The following ZMYND8 variants were observed in gnomAD, a reference collection of about 807,000 sequenced individuals.
ZMYND8 encodes the protein MYND-type zinc finger-containing chromatin reader ZMYND8.
ZMYND8 carries 37 observed loss-of-function variants against 140.8 expected under a neutral mutation model. That is an observed-to-expected ratio of 0.26 (90% CI 0.20 to 0.35). The LOEUF is 0.35. ZMYND8 is among the 10% of genes least tolerant of loss of function. The pLI, the probability that ZMYND8 is intolerant of heterozygous loss-of-function variation, is 1.00. For synonymous variants in ZMYND8, 592 were observed against 597.1 expected (o/e 0.99, Z 0.12); for missense variants, 1,068 against 1,570.0 (o/e 0.68, Z 5.40).
chr20:47,259,804 C>CAA (rs1337049234), intron 12 of ZMYND8, among the ~76,000 whole-genome samples: 1 of 152,140 alleles, frequency 6.6e-6, no homozygotes, highest in Non-Finnish European at 1.5e-5. Context: ...ATGTTTAGCG[C>CAA]AACTCTGGCC....
intron 10 of ZMYND8, among the ~76,000 whole-genome samples, chr20:47,280,698 A>C (rs1461521941): frequency 6.6e-6 from 1 of 152,166 alleles, no homozygotes; most frequent in Non-Finnish European, 1.5e-5. Flanking sequence ...CAAATCATCA[A>C]GATGGTTCAC....
At chr20:47,297,117 T>TGTACAGAGGAGG (rs143771100) in intron 4 of ZMYND8, among the ~76,000 whole-genome samples, 2,516 of 152,288 alleles carry the variant, frequency 0.017, 41 homozygotes, top group East Asian at 0.057. Context: ...GGTCAGCCTC[T>TGTACAGAGGAGG]GCGTGCAGAG....
intron 12 of ZMYND8, among the ~76,000 whole-genome samples, chr20:47,255,229 T>C (rs1020069923): frequency 6.6e-6 from 1 of 151,996 alleles, no homozygotes; most frequent in African/African-American, 2.4e-5. Context: ...CTCTAGAAAC[T>C]AAAAACTTGC....
chr20:47,313,197 G>C (rs1569172354), intron 2 of ZMYND8, among the ~76,000 whole-genome samples: 1 of 149,996 alleles, frequency 6.7e-6, no homozygotes, highest in Non-Finnish European at 1.5e-5. Context: ...GTCGGAGCCT[G>C]GGTGAAAAGG....
chr20:47,269,992 C>T (rs1361550731), intron 11 of ZMYND8, among the ~76,000 whole-genome samples: 1 of 152,158 alleles, frequency 6.6e-6, no homozygotes, highest in Non-Finnish European at 1.5e-5. Flanking sequence ...GCCTATTATC[C>T]CAGCATTTTG....
At chr20:47,352,010 C>T (rs1240026304) in intron 1 of ZMYND8, 6 of 985,254 alleles carry the variant, frequency 6.1e-6, no homozygotes, top group Non-Finnish European at 6.0e-6. Context: ...CTTGTAGATC[C>T]TGAGCCTTCA....
At chr20:47,316,148 T>A (rs751130286) in intron 2 of ZMYND8, among the ~76,000 whole-genome samples, 12 of 151,942 alleles carry the variant, frequency 7.9e-5, no homozygotes, top group Non-Finnish European at 1.3e-4. Context: ...CTGACCAACA[T>A]GGTGAAACCC....
chr20:47,286,154 T>G, intron 8 of ZMYND8, among the ~76,000 whole-genome samples: 1 of 151,724 alleles, frequency 6.6e-6, no homozygotes, highest in East Asian at 1.9e-4. Flanking sequence ...TATCTATATA[T>G]AGATATAAAT....
chr20:47,345,568 C>T (rs971886546), intron 2 of ZMYND8, among the ~76,000 whole-genome samples: 2 of 149,318 alleles, frequency 1.3e-5, no homozygotes, highest in African/African-American at 2.5e-5. Context: ...AGTGCAAAGG[C>T]GTGGTCTTGG....
At chr20:47,291,962 G>T in intron 5 of ZMYND8, 74 bp from the exon 6 acceptor site, 1 of 1,334,728 alleles carries the variant, frequency 7.5e-7, no homozygotes, top group Non-Finnish European at 1.0e-6. Context: ...GCTAACAAAA[G>T]GCTTGAAAAA....
chr20:47,329,322 T>TA (rs1173665621), intron 2 of ZMYND8, among the ~76,000 whole-genome samples: 2 of 152,204 alleles, frequency 1.3e-5, no homozygotes, highest in African/African-American at 4.8e-5. Flanking sequence ...TGCTGTCTAA[T>TA]AACAGCAGCC....
intron 2 of ZMYND8, among the ~76,000 whole-genome samples, chr20:47,315,483 C>T (rs1178840172): frequency 1.3e-5 from 2 of 151,962 alleles, no homozygotes; most frequent in East Asian, 1.9e-4. Flanking sequence ...CTGCTGGATT[C>T]GGTATCCTTC....
At chr20:47,282,078 T>C in intron 10 of ZMYND8, 24 bp downstream of exon 10, 1 of 1,598,708 alleles carries the variant, frequency 6.3e-7, no homozygotes, top group Non-Finnish European at 8.6e-7. Context: ...AGCTACATGT[T>C]CCAAGCCTGT....
At chr20:47,288,454 G>A (rs571951882) in intron 7 of ZMYND8, among the ~76,000 whole-genome samples, 13 of 149,678 alleles carry the variant, frequency 8.7e-5, no homozygotes, top group South Asian at 2.1e-4. Context: ...GTGCAGGGGC[G>A]CAGATCTCAG....
At chr20:47,220,552 C>G (rs2036801857) in intron 20 of ZMYND8, among the ~76,000 whole-genome samples, 1 of 152,210 alleles carries the variant, frequency 6.6e-6, no homozygotes, top group Non-Finnish European at 1.5e-5. Context: ...AGAGTGGCCC[C>G]TCACTGTACC....
At chr20:47,214,048 C>T (rs2035694688) in intron 21 of ZMYND8, among the ~76,000 whole-genome samples, 1 of 131,200 alleles carries the variant, frequency 7.6e-6, no homozygotes, top group Non-Finnish European at 1.8e-5. Context: ...AACTAAAATT[C>T]TCTCTCTTCC....
At chr20:47,352,023 A>G in intron 1 of ZMYND8, 2 of 983,894 alleles carry the variant, frequency 2.0e-6, no homozygotes, top group Non-Finnish European at 1.2e-6. Flanking sequence ...AGCCTTCAAC[A>G]TGAGGCTCTG....
intron 1 of ZMYND8, chr20:47,353,736 T>A (rs1223415421): frequency 6.6e-6 from 1 of 152,186 alleles, no homozygotes; most frequent in Non-Finnish European, 1.5e-5. Context: ...AGCCCAACAT[T>A]CTGTTCCTCC....
rs10659368 is a variant in ZMYND8 at position 47,270,373 on chromosome 20, CAA to C, written c.1480+5939_1480+5940del. On this transcript the variant is annotated intron_variant, in intron 11 of 22. Coordinates refer to ENST00000471951, the MANE Select transcript of ZMYND8 (RefSeq NM_001281775.3). Reference sequence around the variant, plus strand: ...GGAAGACAAGAGTGAAACTCCATCTCAAAAAAAAAAAAAAAAAAAGTTTTTTT... The same window carrying C: ...GGAAGACAAGAGTGAAACTCCATCTCAAAAAAAAAAAAAAAAAGTTTTTTT... Among the ~76,000 whole-genome samples the C allele has an allele frequency of 1.7e-3, 77 of 46,456 alleles. 1 individual carries two copies. The South Asian group carries it at 0.052, about 32-fold the overall frequency. 30.5% of individuals were successfully genotyped at this position (46,456 alleles called of 152,430 possible). A position where few individuals can be genotyped will look rare whatever the true frequency, so the allele number is the denominator to read the frequency against.
Sources: allele counts gnomAD v4.1 joint callset (sites outside exome capture counted in the v4.1 genomes callset), GRCh38; gene constraint gnomAD v4.1.1; transcripts MANE v1.5; gene names NCBI Gene and HGNC (gene_info 2026-07-23, HGNC 2026-07-21).